SEL1L2: variants seen among roughly 807,000 people sequenced by gnomAD.
SEL1L2 encodes protein sel-1 homolog 2.
A neutral mutation model predicts 98.8 loss-of-function variants in SEL1L2; 89 were observed. That is an observed-to-expected ratio of 0.90 (90% CI 0.76 to 1.07). SEL1L2 has a LOEUF of 1.07. Among genes scored for constraint, SEL1L2 ranks in the 50% least tolerant of loss-of-function variants. The probability of loss-of-function intolerance (pLI) is 0.00; values close to 1 mark genes in which losing one functional copy is unlikely to be tolerated. For synonymous variants in SEL1L2, 262 were observed against 278.5 expected (o/e 0.94, Z 0.59); for missense variants, 788 against 812.0 (o/e 0.97, Z 0.36).
At chr20:13,960,776 C>G (rs551085193) in intron 1 of SEL1L2, among the ~76,000 whole-genome samples, 151 of 152,266 alleles carry the variant, frequency 9.9e-4, no homozygotes, top group Admixed American at 3.2e-3. Flanking sequence ...CTGTAAAAAA[C>G]CACAATCTAC....
rs141347383 is a variant in SEL1L2, at chr20:13,858,567, C to A, written c.1818+695G>T. On this transcript the variant is annotated intron_variant, in intron 18 of 19. Transcript: ENST00000284951. ...TGACAGAAACGCATAGCCCACTTAA[C>A]CCAATGCCTGGCTATTATTATCGTT... Among the ~76,000 whole-genome samples the A allele has an allele frequency of 2.2e-3, 335 of 152,314 alleles. 5 individuals are homozygous for A. Among genetic ancestry groups the A allele is most frequent in the African/African-American group, 7.7e-3 (321 of 41,580 alleles).
intron 15 of SEL1L2, among the ~76,000 whole-genome samples, chr20:13,866,019 A>C (rs755030312): frequency 4.6e-5 from 7 of 152,214 alleles, no homozygotes; most frequent in Admixed American, 6.5e-5. Context: ...ATGTCAACTT[A>C]GCTGAATAGC....
intron 15 of SEL1L2, among the ~76,000 whole-genome samples, 156 bp downstream of exon 15, chr20:13,866,546 C>T (rs1991065042): frequency 1.3e-5 from 2 of 152,204 alleles, no homozygotes; most frequent in African/African-American, 2.4e-5. Flanking sequence ...TACATCACTG[C>T]TTTTCCCCTC....
At chr20:13,935,516 G>C (rs961420592) in intron 2 of SEL1L2, among the ~76,000 whole-genome samples, 1 of 152,168 alleles carries the variant, frequency 6.6e-6, no homozygotes, top group African/African-American at 2.4e-5. Context: ...AGTTAGCCAC[G>C]CAAATAAACC....
chr20:13,987,914 C>G (rs1474932319), intron 1 of SEL1L2, among the ~76,000 whole-genome samples: 2 of 152,182 alleles, frequency 1.3e-5, no homozygotes, highest in Non-Finnish European at 2.9e-5. Flanking sequence ...AAAATTTTCT[C>G]TCATTCTGTG....
intron 18 of SEL1L2, among the ~76,000 whole-genome samples, chr20:13,855,868 G>T (rs1435160697): frequency 1.3e-5 from 2 of 152,212 alleles, no homozygotes; most frequent in African/African-American, 4.8e-5. Flanking sequence ...CTTTGACTAG[G>T]CAGGTGCACC....
At chr20:13,927,521 CTT>C (rs2048955873) in intron 3 of SEL1L2, among the ~76,000 whole-genome samples, 1 of 152,124 alleles carries the variant, frequency 6.6e-6, no homozygotes, top group South Asian at 2.1e-4. Flanking sequence ...GGAACTATAA[CTT>C]GATGTTAATC....
At chr20:13,962,214 C>T (rs1175888934) in intron 1 of SEL1L2, among the ~76,000 whole-genome samples, 2 of 152,290 alleles carry the variant, frequency 1.3e-5, no homozygotes, top group Middle Eastern at 3.4e-3. Context: ...GTATTCACAT[C>T]GCTTTGCAGT....
chr20:13,946,892 C>T (rs1471570808), intron 2 of SEL1L2, among the ~76,000 whole-genome samples: 1 of 152,202 alleles, frequency 6.6e-6, no homozygotes, highest in South Asian at 2.1e-4. Flanking sequence ...CATGCCAGCT[C>T]CCTGCTGCCT....
At chr20:13,856,794 A>G (rs1390254742) in intron 18 of SEL1L2, among the ~76,000 whole-genome samples, 1 of 152,186 alleles carries the variant, frequency 6.6e-6, no homozygotes, top group African/African-American at 2.4e-5. Flanking sequence ...GCATTATTCC[A>G]TATCACCTTC....
Position 13,876,064 on chromosome 20 carries a change from T to C in SEL1L2, c.1078A>G (p.Lys360Glu). 6.2e-7 allele frequency: 1 copy of C among 1,614,004 alleles called. No individual in the cohort carries two copies. The highest frequency in any genetic ancestry group is 8.5e-7 in the Non-Finnish European group (1 of 1,179,850). The change falls in exon 12 of 20, where the codon AAG becomes GAG. Residue 360 changes from lysine (K) to glutamate (E), a missense_variant. Lys to Glu is a moderately conservative substitution (Grantham distance 56, BLOSUM62 1). Transcript: ENST00000284951. ...TTACTGGCTGCCATGGAAAAGTACT[T>C]GAAGGCAGTAGCGTTATTTTGCGGC... is the stretch of plus-strand genomic sequence containing the variant. Reference protein sequence around the residue: ...AVPQNNATAFKYFSMAASKGN... With the variant: ...AVPQNNATAFEYFSMAASKGN...
rs1234378000 is a variant in SEL1L2 at position 13,859,288 on chromosome 20, A to G, written c.1792T>C (p.Tyr598His). ...TTTGTGATGCCTAAGCCGTGTTCAT[A>G]CATATAAGCCAGATTGAACATGGCT... ...AQAMFNLAYM[Y>H]EHGLGITKDI... The change falls in exon 18 of 20, where the codon TAT (tyrosine) becomes CAT (histidine). Residue 598 changes from tyrosine (Y) to histidine (H), a missense_variant. Tyr to His is a moderately conservative substitution (Grantham distance 83). Transcript: ENST00000284951. The G allele has an allele frequency of 6.2e-7, 1 of 1,614,172 alleles. No individual in the cohort carries two copies. The highest frequency in any genetic ancestry group is 1.1e-5 in the South Asian group (1 of 91,084).
chr20:13,916,796 A>G (rs1295234552), intron 4 of SEL1L2, among the ~76,000 whole-genome samples: 1 of 151,786 alleles, frequency 6.6e-6, no homozygotes, highest in Non-Finnish European at 1.5e-5. Flanking sequence ...ACAGAGTGAG[A>G]CTCTGTCTCA....
chr20:13,876,700 G>A (rs1375598733), intron 11 of SEL1L2, among the ~76,000 whole-genome samples: 2 of 152,216 alleles, frequency 1.3e-5, no homozygotes, highest in African/African-American at 4.8e-5. Flanking sequence ...TGATTGGGCT[G>A]AGACCTGTCC....
intron 10 of SEL1L2, among the ~76,000 whole-genome samples, chr20:13,882,086 A>C (rs147173544): frequency 1.4e-4 from 21 of 152,310 alleles, no homozygotes; most frequent in African/African-American, 4.6e-4. Context: ...TGTATCCCAT[A>C]AATATGTACA....
intron 1 of SEL1L2, among the ~76,000 whole-genome samples, chr20:13,958,415 A>G (rs1250113226): frequency 6.6e-6 from 1 of 152,246 alleles, no homozygotes; most frequent in African/African-American, 2.4e-5. Context: ...TATGTTACAC[A>G]TCATTTTAAT....
At chr20:13,951,348 C>T (rs557845925) in intron 2 of SEL1L2, among the ~76,000 whole-genome samples, 24 of 132,948 alleles carry the variant, frequency 1.8e-4, no homozygotes, top group Admixed American at 1.4e-3. Context: ...AGTGTATTTG[C>T]TCACTCCTGT....
upstream of SEL1L2, among the ~76,000 whole-genome samples, chr20:13,992,520 T>C (rs1033935372): frequency 1.3e-5 from 2 of 151,864 alleles, no homozygotes. Context: ...AGAAAAAGGC[T>C]ATATGGTGTT....
chr20:13,868,679 C>T (rs1458814048), intron 14 of SEL1L2, among the ~76,000 whole-genome samples: 1 of 150,018 alleles, frequency 6.7e-6, no homozygotes, highest in Non-Finnish European at 1.5e-5. Context: ...GATCTAGGCT[C>T]ACTGCAACCT....
Sources: allele counts gnomAD v4.1 joint callset (sites outside exome capture counted in the v4.1 genomes callset), GRCh38; gene constraint gnomAD v4.1.1; transcripts MANE v1.5; gene names NCBI Gene and HGNC (gene_info 2026-07-23, HGNC 2026-07-21).